Variants in AOPEP observed in about 807,000 individuals in gnomAD.
The protein encoded by AOPEP is aminopeptidase O.
AOPEP carries 77 observed loss-of-function variants against 98.1 expected under a neutral mutation model. That is an observed-to-expected ratio of 0.78 (90% CI 0.65 to 0.95). The LOEUF (loss-of-function observed/expected upper bound fraction) is 0.95, where lower values mean the gene tolerates loss of function less well. AOPEP is among the 40% of genes least tolerant of loss of function. The probability of loss-of-function intolerance (pLI) is 0.00; values close to 1 mark genes in which losing one functional copy is unlikely to be tolerated. For synonymous variants in AOPEP, 346 were observed against 365.3 expected (o/e 0.95, Z 0.60); for missense variants, 1,024 against 1,024.7 (o/e 1.00, Z 0.01).
At chr9:94,974,626 C>T (rs2059729366) in intron 10 of AOPEP, among the ~76,000 whole-genome samples, 1 of 152,170 alleles carries the variant, frequency 6.6e-6, no homozygotes, top group African/African-American at 2.4e-5. Flanking sequence ...GAAGGGTTGA[C>T]AAACAGGGCA....
At chr9:94,909,602 A>G (rs1293373779) in intron 5 of AOPEP, among the ~76,000 whole-genome samples, 1 of 152,188 alleles carries the variant, frequency 6.6e-6, no homozygotes, top group Non-Finnish European at 1.5e-5. Flanking sequence ...GTATTCCCAG[A>G]GAGAAGGCAT....
rs71366268 is a variant in AOPEP, at chr9:94,885,348, C to CAAAAAAAAAAAA, written c.1365-38607_1365-38596dup. ...TGGGTGACAGAGTGAGATCCTGTCT[C>CAAAAAAAAAAAA]AAAAAAAAAAAAAAAAAAAAAAAAA... On this transcript the variant is annotated intron_variant, in intron 5 of 16. Transcript: ENST00000375315. 5.8e-4 allele frequency among the ~76,000 whole-genome samples: 21 copies of CAAAAAAAAAAAA among 35,988 alleles called. 5 individuals are homozygous for CAAAAAAAAAAAA. Among genetic ancestry groups the CAAAAAAAAAAAA allele is most frequent in the Admixed American group, 1.8e-3 (3 of 1,622 alleles). 23.6% of individuals were successfully genotyped at this position (35,988 alleles called of 152,430 possible). A position where few individuals can be genotyped will look rare whatever the true frequency, so the allele number is the denominator to read the frequency against.
intron 5 of AOPEP, among the ~76,000 whole-genome samples, chr9:94,827,630 G>A (rs1467170359): frequency 2.2e-4 from 33 of 152,156 alleles, no homozygotes; most frequent in Admixed American, 2.2e-3. Context: ...CCTACCGCAT[G>A]TTTTCAGGGC....
the AOPEP span, chr9:95,125,221 CAAGT>C: frequency 2.6e-6 from 4 of 1,553,552 alleles, 1 homozygote; most frequent in Non-Finnish European, 3.6e-6. Context: ...ACACGTTTAA[CAAGT>C]AATCCGGCAA....
At chr9:95,107,369 T>A in the AOPEP span, 1 of 1,297,784 alleles carries the variant, frequency 7.7e-7, no homozygotes, top group Non-Finnish European at 1.1e-6. Context: ...CAGAAACGGG[T>A]AAGCACTGGC....
intron 5 of AOPEP, among the ~76,000 whole-genome samples, chr9:94,854,791 C>A (rs923261292): frequency 8.5e-5 from 13 of 152,112 alleles, no homozygotes; most frequent in Non-Finnish European, 1.5e-4. Context: ...AACATGAAAT[C>A]ACCTCATAAT....
At chr9:94,827,013 A>G (rs775327321) in intron 5 of AOPEP, among the ~76,000 whole-genome samples, 3 of 152,236 alleles carry the variant, frequency 2.0e-5, no homozygotes, top group Non-Finnish European at 4.4e-5. Context: ...GGCTTTTGGT[A>G]GATCTTGTCT....
rs117639121 is a variant in AOPEP at position 94,826,392 on chromosome 9, G to A, written c.1364+25390G>A. ...ACACAGTGAGCAGCACAGGTACAGA[G>A]CTATAATAGAGACCCACTGGGGGGA... On this transcript the variant is annotated intron_variant, in intron 5 of 16. Transcript: ENST00000375315. Among the ~76,000 whole-genome samples the A allele has an allele frequency of 5.4e-4, 82 of 152,308 alleles. 1 individual carries two copies. In the East Asian group the frequency reaches 0.015, roughly 28 times the overall value.
chr9:94,823,751 C>G (rs1024154463), intron 5 of AOPEP, among the ~76,000 whole-genome samples: 1 of 152,162 alleles, frequency 6.6e-6, no homozygotes, highest in African/African-American at 2.4e-5. Context: ...CAGAGTTTTA[C>G]AATAGCCTCA....
At chr9:94,938,371 A>G (rs1347602962) in intron 7 of AOPEP, among the ~76,000 whole-genome samples, 1 of 152,178 alleles carries the variant, frequency 6.6e-6, no homozygotes, top group African/African-American at 2.4e-5. Flanking sequence ...GGAGAGCTGA[A>G]ATACTGGTCC....
chr9:95,096,029 G>C, the AOPEP span, among the ~76,000 whole-genome samples: 33,757 of 152,132 alleles, frequency 0.22, 4,854 homozygotes, highest in Non-Finnish European at 0.32. Context: ...TCTCCCCAGA[G>C]TGGCTGCAGC....
downstream of AOPEP, among the ~76,000 whole-genome samples, chr9:95,091,983 G>A (rs1044897018): frequency 2.0e-5 from 3 of 152,114 alleles, no homozygotes; most frequent in African/African-American, 7.2e-5. Flanking sequence ...CAGAAGAGAA[G>A]AAAGGCTGAG....
intron 13 of AOPEP, chr9:95,005,942 T>G: frequency 2.0e-6 from 1 of 506,138 alleles, no homozygotes; most frequent in Non-Finnish European, 3.8e-6. Flanking sequence ...AAATGAAAAG[T>G]GTTCCGAATA....
chr9:94,983,554 C>A (rs1308548059), intron 11 of AOPEP, among the ~76,000 whole-genome samples: 1 of 152,198 alleles, frequency 6.6e-6, no homozygotes, highest in Non-Finnish European at 1.5e-5. Context: ...CTCAGACCCA[C>A]TCTTCTCACC....
chr9:94,872,079 T>C (rs773730642), intron 5 of AOPEP, among the ~76,000 whole-genome samples: 121 of 152,298 alleles, frequency 7.9e-4, no homozygotes, highest in Non-Finnish European at 1.5e-3. Context: ...AGGAAACATA[T>C]GGTTCTAGAG....
At chr9:95,119,316 T>C in the AOPEP span, among the ~76,000 whole-genome samples, 3 of 152,074 alleles carry the variant, frequency 2.0e-5, no homozygotes, top group Non-Finnish European at 4.4e-5. Context: ...TTACAAATAT[T>C]TTCTCCTAGC....
chr9:94,849,350 C>G (rs2043244477), intron 5 of AOPEP, among the ~76,000 whole-genome samples: 1 of 152,076 alleles, frequency 6.6e-6, no homozygotes, highest in Admixed American at 6.6e-5. Flanking sequence ...AAAGCAGTTC[C>G]CAGCACATAG....
chr9:94,823,760 CAG>C (rs1318589369), intron 5 of AOPEP, among the ~76,000 whole-genome samples: 1 of 152,194 alleles, frequency 6.6e-6, no homozygotes, highest in Non-Finnish European at 1.5e-5. Context: ...ACAATAGCCT[CAG>C]AAGTAGGGAA....
chr9:94,919,477 C>G (rs1484513392), intron 5 of AOPEP, among the ~76,000 whole-genome samples: 1 of 152,080 alleles, frequency 6.6e-6, no homozygotes. Flanking sequence ...TCTGGGCCAC[C>G]CCCCCACTTT....
Sources: allele counts gnomAD v4.1 joint callset (sites outside exome capture counted in the v4.1 genomes callset), GRCh38; gene constraint gnomAD v4.1.1; transcripts MANE v1.5; gene names NCBI Gene and HGNC (gene_info 2026-07-23, HGNC 2026-07-21).